Variants in SLC38A4 observed in about 807,000 individuals in gnomAD.
SLC38A4 encodes the protein solute carrier family 38 member 4.
SLC38A4 carries 20 observed loss-of-function variants against 63.1 expected under a neutral mutation model. That is an observed-to-expected ratio of 0.32 (90% CI 0.22 to 0.46). The LOEUF (loss-of-function observed/expected upper bound fraction) is 0.46, where lower values mean the gene tolerates loss of function less well. Ranked by LOEUF, SLC38A4 falls within the 20% of genes least tolerant of loss-of-function variation. SLC38A4 has a pLI of 1.00. For synonymous variants in SLC38A4, 230 were observed against 225.5 expected (o/e 1.02, Z -0.18); for missense variants, 526 against 663.6 (o/e 0.79, Z 2.28).
chr12:46,783,545 G>A (rs545640087), intron 7 of SLC38A4, among the ~76,000 whole-genome samples: 3 of 152,020 alleles, frequency 2.0e-5, no homozygotes, highest in African/African-American at 7.2e-5. Flanking sequence ...AGCTATAAAT[G>A]GTGATCATCT....
At chr12:46,797,838 T>TGATAGGCC (rs1383109349) in intron 2 of SLC38A4, among the ~76,000 whole-genome samples, 1 of 152,170 alleles carries the variant, frequency 6.6e-6, no homozygotes, top group Non-Finnish European at 1.5e-5. Flanking sequence ...GTCTAACTTG[T>TGATAGGCC]GATAGGCCCT....
chr12:46,814,573 C>G (rs1052026669), intron 1 of SLC38A4, among the ~76,000 whole-genome samples: 1 of 151,916 alleles, frequency 6.6e-6, no homozygotes, highest in Non-Finnish European at 1.5e-5. Flanking sequence ...AAGTGACCTA[C>G]ATTTCACTCA....
At chr12:46,812,393 C>T (rs1316214290) in intron 1 of SLC38A4, among the ~76,000 whole-genome samples, 1 of 151,948 alleles carries the variant, frequency 6.6e-6, no homozygotes, top group Non-Finnish European at 1.5e-5. Context: ...CCCTTTTTAT[C>T]TACATGAGAA....
intron 2 of SLC38A4, among the ~76,000 whole-genome samples, chr12:46,802,213 T>C (rs188056360): frequency 2.6e-3 from 395 of 152,122 alleles, no homozygotes; most frequent in Non-Finnish European, 3.3e-3. Flanking sequence ...CCACATAAAT[T>C]TTAGTTCATA....
At chr12:46,774,656 G>GA (rs1442289779) in intron 14 of SLC38A4, among the ~76,000 whole-genome samples, 3 of 151,640 alleles carry the variant, frequency 2.0e-5, no homozygotes, top group Non-Finnish European at 2.9e-5. Context: ...CAACAAACTG[G>GA]AAAAAAAATG....
chr12:46,826,408 G>A (rs185885337), upstream of SLC38A4, among the ~76,000 whole-genome samples: 1 of 151,774 alleles, frequency 6.6e-6, no homozygotes, highest in Admixed American at 6.6e-5. Flanking sequence ...TAGAAATGAA[G>A]AATTGCGATA....
intron 2 of SLC38A4, among the ~76,000 whole-genome samples, chr12:46,799,524 G>T (rs185358761): frequency 1.6e-3 from 236 of 152,176 alleles, no homozygotes; most frequent in African/African-American, 5.6e-3. Flanking sequence ...TTTGAACCCG[G>T]GGTCGGAGGT....
intron 1 of SLC38A4, among the ~76,000 whole-genome samples, chr12:46,831,875 CG>C (rs998179382): frequency 6.6e-6 from 1 of 152,104 alleles, no homozygotes; most frequent in African/African-American, 2.4e-5. Context: ...GGCGCGGCCA[CG>C]GAACGCAGTC....
chr12:46,784,980 C>G lies in SLC38A4; in HGVS notation c.400+124G>C. 6.8e-6 allele frequency: 6 copies of G among 886,498 alleles called. 1 individual carries two copies. The highest frequency in any genetic ancestry group is 1.1e-5 in the Non-Finnish European group (6 of 544,170). The allele number at this position is 886,498 out of a possible 1,614,324, so 54.9% of individuals were successfully genotyped here. On this transcript the variant is annotated intron_variant, in intron 6 of 16. Coordinates refer to ENST00000266579, the MANE Select transcript of SLC38A4 (RefSeq NM_018018.5). ...CTATAAACACTGAGAGATCGTGTCA[C>G]TGGGCTCAGAAGAAAATGAAATGTG...
chr12:46,824,624 A>G (rs1939610938), intron 1 of SLC38A4, among the ~76,000 whole-genome samples: 1 of 152,252 alleles, frequency 6.6e-6, no homozygotes, highest in African/African-American at 2.4e-5. Flanking sequence ...TCTCAAGAGC[A>G]TCAAGTTGAG....
chr12:46,772,312 GGC>G (rs200643953), intron 14 of SLC38A4, among the ~76,000 whole-genome samples: 1 of 151,928 alleles, frequency 6.6e-6, no homozygotes, highest in Non-Finnish European at 1.5e-5. Context: ...GAGATCTGAA[GGC>G]AACATAAGTG....
chr12:46,788,683 A>G (rs1938816718), intron 3 of SLC38A4, 65 bp from the exon 4 acceptor site: 2 of 1,400,864 alleles, frequency 1.4e-6, no homozygotes, highest in South Asian at 1.2e-5. Context: ...AATCATATGT[A>G]TGTTTCAGGT....
intron 13 of SLC38A4, among the ~76,000 whole-genome samples, chr12:46,776,375 G>A (rs890044871): frequency 6.6e-6 from 1 of 151,984 alleles, no homozygotes; most frequent in Admixed American, 6.6e-5. Flanking sequence ...AGGAAATTCT[G>A]TCATGTCCTC....
At chr12:46,831,845 GGCCTCTCA>G (rs1555174119) in intron 1 of SLC38A4, among the ~76,000 whole-genome samples, 1 of 152,168 alleles carries the variant, frequency 6.6e-6, no homozygotes, top group Non-Finnish European at 1.5e-5. Flanking sequence ...GGGGAAGTCG[GGCCTCTCA>G]GCCAGGCAGG....
rs1939177248 is a variant in SLC38A4 at position 46,803,747 on chromosome 12, C to T, written c.-257G>A. On this transcript the variant is annotated 5_prime_UTR_variant, in exon 2 of 17. Coordinates refer to ENST00000266579, the MANE Select transcript of SLC38A4 (RefSeq NM_018018.5). Reference sequence around the variant, plus strand: ...GGAGTGAACGAGACAAGCCAATCAACACCACCACCTCACCCCAACACCTCC... The same window carrying T: ...GGAGTGAACGAGACAAGCCAATCAATACCACCACCTCACCCCAACACCTCC... 1 of 151,496 alleles carries T rather than the reference C, an allele frequency of 6.6e-6. No individual in the cohort carries two copies. Among genetic ancestry groups the T allele is most frequent in the Admixed American group, 6.6e-5 (1 of 15,192 alleles). The allele number at this position is 151,496 out of a possible 1,614,324, so 9.4% of individuals were successfully genotyped here. A position where few individuals can be genotyped will look rare whatever the true frequency, so the allele number is the denominator to read the frequency against.
chr12:46,784,034 G>A (rs536679769), intron 7 of SLC38A4, among the ~76,000 whole-genome samples: 2 of 152,004 alleles, frequency 1.3e-5, no homozygotes, highest in Non-Finnish European at 2.9e-5. Context: ...GGGGTTTATA[G>A]TGCATTTGAT....
chr12:46,795,667 G>T (rs914114531), intron 2 of SLC38A4, among the ~76,000 whole-genome samples: 3 of 152,038 alleles, frequency 2.0e-5, no homozygotes, highest in Non-Finnish European at 2.9e-5. Context: ...GTTGCTTCAT[G>T]TTGGAAAATT....
At chr12:46,792,234 G>A (rs1938905285) in intron 3 of SLC38A4, among the ~76,000 whole-genome samples, 1 of 152,002 alleles carries the variant, frequency 6.6e-6, no homozygotes, top group Admixed American at 6.6e-5. Flanking sequence ...CAGTAGAATG[G>A]GTACAGAAAA....
intron 1 of SLC38A4, among the ~76,000 whole-genome samples, chr12:46,809,400 T>G (rs1939297414): frequency 6.6e-6 from 1 of 152,102 alleles, no homozygotes; most frequent in Non-Finnish European, 1.5e-5. Flanking sequence ...CATTCACTTT[T>G]TAATGAACTC....
Sources: allele counts gnomAD v4.1 joint callset (sites outside exome capture counted in the v4.1 genomes callset), GRCh38; gene constraint gnomAD v4.1.1; transcripts MANE v1.5; gene names NCBI Gene and HGNC (gene_info 2026-07-23, HGNC 2026-07-21).